Variants in SLC25A48 observed in about 807,000 individuals in gnomAD.
The protein encoded by SLC25A48 is CTC-321K16.1.
In SLC25A48, 29 loss-of-function variants were observed where a neutral mutation model predicts 32.2. That is an observed-to-expected ratio of 0.90 (90% confidence interval 0.67 to 1.23). The LOEUF is 1.23. SLC25A48 is among the 50% of genes most tolerant of loss of function. The pLI, the probability that SLC25A48 is intolerant of heterozygous loss-of-function variation, is 0.00. For missense variants in SLC25A48, 399 were observed against 422.7 expected (o/e 0.94, Z 0.49); for synonymous variants, 164 against 172.3 (o/e 0.95, Z 0.38).
In SLC25A48 at chr5:135,873,701, A is replaced by G. The variant is rs189931813; in HGVS notation, c.680-320A>G. On this transcript the variant is annotated intron_variant, in intron 5 of 7. Coordinates refer to ENST00000681962, the MANE Select transcript of SLC25A48 (RefSeq NM_001349336.2). ...TGCTAATAAATACTGCCACGTCTCG[A>G]GCACTGGCTGTGGACTGGCACTTGC... Among the ~76,000 whole-genome samples, 4 of 152,320 alleles carry G rather than the reference A, an allele frequency of 2.6e-5. No individual in the cohort carries two copies. In the East Asian group the frequency reaches 7.7e-4, roughly 29 times the overall value.
chr5:135,795,147 G>A (rs934894569), intron 3 of SLC25A48, among the ~76,000 whole-genome samples: 1 of 151,838 alleles, frequency 6.6e-6, no homozygotes, highest in Non-Finnish European at 1.5e-5. Flanking sequence ...GGGTGGGAGA[G>A]GATGTTATTA....
intron 3 of SLC25A48, among the ~76,000 whole-genome samples, chr5:135,740,497 G>A (rs995258712): frequency 8.5e-5 from 13 of 152,148 alleles, no homozygotes; most frequent in Admixed American, 2.0e-4. Flanking sequence ...AGGCATTTGA[G>A]GTCAGGGCAT....
intron 3 of SLC25A48, among the ~76,000 whole-genome samples, chr5:135,771,441 G>T (rs1756408257): frequency 6.6e-6 from 1 of 151,612 alleles, no homozygotes; most frequent in Non-Finnish European, 1.5e-5. Flanking sequence ...TTCAGAAGGG[G>T]CAGGGTGATA....
intron 3 of SLC25A48, among the ~76,000 whole-genome samples, chr5:135,804,537 TTTGTTATATCCTAGA>T (rs1757419770): frequency 6.6e-6 from 1 of 151,554 alleles, no homozygotes; most frequent in Non-Finnish European, 1.5e-5. Flanking sequence ...TGTGATATTA[TTTGTTATATCCTAGA>T]GAGATATTAC....
At chr5:135,864,961 C>A (rs1761076614) in intron 4 of SLC25A48, among the ~76,000 whole-genome samples, 1 of 152,160 alleles carries the variant, frequency 6.6e-6, no homozygotes, top group Non-Finnish European at 1.5e-5. Flanking sequence ...TCTGGCACTT[C>A]CAGAATCCAG....
intron 3 of SLC25A48, among the ~76,000 whole-genome samples, chr5:135,690,058 T>C (rs921530305): frequency 5.3e-5 from 8 of 152,098 alleles, no homozygotes; most frequent in African/African-American, 1.7e-4. Context: ...ACTGCCTCGG[T>C]TTGCTTGGGG....
intron 1 of SLC25A48, chr5:135,600,959 G>C (rs1751783800): frequency 1.3e-5 from 2 of 152,008 alleles, no homozygotes; most frequent in Non-Finnish European, 2.9e-5. Flanking sequence ...CAAAGTGCTG[G>C]GATTACAGGT....
At chr5:135,795,672 G>A (rs527515765) in intron 3 of SLC25A48, among the ~76,000 whole-genome samples, 3 of 151,634 alleles carry the variant, frequency 2.0e-5, no homozygotes, top group Non-Finnish European at 4.4e-5. Flanking sequence ...ATATTCAGGG[G>A]GGTAGAGGGT....
At chr5:135,847,957 G>A (rs573801399) in intron 2 of SLC25A48, among the ~76,000 whole-genome samples, 110 of 152,344 alleles carry the variant, frequency 7.2e-4, no homozygotes, top group African/African-American at 2.6e-3. Flanking sequence ...TGTAAGATGG[G>A]ACCAGTATCC....
At chr5:135,631,292 C>T (rs2126907459) in intron 2 of SLC25A48, among the ~76,000 whole-genome samples, 1 of 152,324 alleles carries the variant, frequency 6.6e-6, no homozygotes, top group East Asian at 1.9e-4. Context: ...TTGATTGGCT[C>T]TGCATTCCTC....
intron 3 of SLC25A48, among the ~76,000 whole-genome samples, chr5:135,637,684 C>T (rs1221408817): frequency 1.3e-5 from 2 of 152,220 alleles, no homozygotes; most frequent in African/African-American, 4.8e-5. Flanking sequence ...ATCCCTTTCA[C>T]AAGTAGCAGA....
chr5:135,866,510 C>T (rs4976512), intron 4 of SLC25A48, among the ~76,000 whole-genome samples: 1 of 152,026 alleles, frequency 6.6e-6, no homozygotes, highest in African/African-American at 2.4e-5. Flanking sequence ...GTGTCCAGCC[C>T]AGCTCAGCCC....
chr5:135,672,805 C>G (rs1753686242), intron 3 of SLC25A48, among the ~76,000 whole-genome samples: 1 of 152,174 alleles, frequency 6.6e-6, no homozygotes, highest in African/African-American at 2.4e-5. Flanking sequence ...GGAACCACAA[C>G]TACAATCAAG....
At chr5:135,787,852 G>A (rs79133814) in intron 3 of SLC25A48, among the ~76,000 whole-genome samples, 1 of 151,470 alleles carries the variant, frequency 6.6e-6, no homozygotes, top group East Asian at 1.9e-4. Context: ...TATCCTAGGT[G>A]GATTTTACTC....
chr5:135,802,778 C>T (rs1293314804), intron 3 of SLC25A48, among the ~76,000 whole-genome samples: 2 of 150,766 alleles, frequency 1.3e-5, no homozygotes, highest in African/African-American at 2.4e-5. Flanking sequence ...GGAAGGTACA[C>T]AATGTAAGTA....
intron 3 of SLC25A48, among the ~76,000 whole-genome samples, chr5:135,768,553 C>T (rs1012909165): frequency 1.1e-4 from 17 of 151,098 alleles, no homozygotes; most frequent in African/African-American, 3.2e-4. Flanking sequence ...AGGGGGTATA[C>T]ACCCCTCTGT....
chr5:135,764,808 A>G (rs926716591), intron 3 of SLC25A48, among the ~76,000 whole-genome samples: 8 of 150,238 alleles, frequency 5.3e-5, no homozygotes, highest in Non-Finnish European at 1.2e-4. Flanking sequence ...ATTACTCCCC[A>G]TATCACGGGG....
chr5:135,597,820 A>G (rs1023377638), intron 1 of SLC25A48, among the ~76,000 whole-genome samples: 1 of 152,208 alleles, frequency 6.6e-6, no homozygotes, highest in Non-Finnish European at 1.5e-5. Flanking sequence ...CCTGACCAAC[A>G]TGGTGAAACC....
chr5:135,840,001 G>A (rs922105669), intron 1 of SLC25A48, among the ~76,000 whole-genome samples: 2 of 152,166 alleles, frequency 1.3e-5, no homozygotes, highest in African/African-American at 2.4e-5. Context: ...CCAGGCTTGG[G>A]CATGTCTTTG....
Sources: gnomAD v4.1 joint callset for allele counts (sites outside exome capture counted in the v4.1 genomes callset) on GRCh38, gnomAD v4.1.1 for gene constraint, MANE v1.5 for transcripts, NCBI Gene and HGNC (gene_info 2026-07-23, HGNC 2026-07-21) for gene names.